Variants in RLF observed in about 807,000 individuals in gnomAD.
The protein encoded by RLF is zinc finger protein Rlf.
A neutral mutation model predicts 162.9 loss-of-function variants in RLF; 7 were observed. The observed-to-expected ratio is 0.04, with a 90% CI of 0.02 to 0.08. The LOEUF is 0.08. Among genes scored for constraint, RLF ranks in the 10% least tolerant of loss-of-function variants. The pLI is 1.00. For synonymous variants in RLF, 782 were observed against 791.5 expected (o/e 0.99, Z 0.20); for missense variants, 1,664 against 2,244.7 (o/e 0.74, Z 5.23).
intron 5 of RLF, among the ~76,000 whole-genome samples, chr1:40,204,580 T>A (rs752253546): frequency 2.7e-5 from 4 of 150,054 alleles, no homozygotes; most frequent in African/African-American, 7.6e-5. Flanking sequence ...TTAATTTATT[T>A]TTTATTTATT....
chr1:40,235,772 T>G lies in RLF; in HGVS notation c.1090-20T>G. 6.8e-7 allele frequency: 1 copy of G among 1,475,746 alleles called. No homozygotes were observed. The allele number at this position is 1,475,746 out of a possible 1,614,324, so 91.4% of individuals were successfully genotyped here. A position where few individuals can be genotyped will look rare whatever the true frequency, so the allele number is the denominator to read the frequency against. ...TTCTGTATGCAAAAAAATAATTTTT[T>G]TATCCTCTTTTACTTACAGGCACAA... On this transcript the variant is annotated intron_variant, in intron 7 of 7. Coordinates refer to ENST00000372771, the MANE Select transcript of RLF (RefSeq NM_012421.4).
chr1:40,181,166 A>G (rs1438488749), intron 1 of RLF, among the ~76,000 whole-genome samples: 1 of 152,246 alleles, frequency 6.6e-6, no homozygotes, highest in Non-Finnish European at 1.5e-5. Context: ...GCAGTGGCTC[A>G]TGCCTGTAAT....
rs56812980 is a variant in RLF, at chr1:40,221,374, A to G, written c.811-1200A>G. 1.8e-3 allele frequency among the ~76,000 whole-genome samples: 274 copies of G among 152,258 alleles called. 2 individuals are homozygous for G. Among genetic ancestry groups the G allele is most frequent in the African/African-American group, 6.3e-3 (263 of 41,556 alleles). On this transcript the variant is annotated intron_variant, in intron 5 of 7. Coordinates refer to ENST00000372771, the MANE Select transcript of RLF (RefSeq NM_012421.4). ...ACTTATTTGAAAAAATAAAAGTTCT[A>G]GAAATAAGTGCTACAAAGGAGAAAT...
intron 1 of RLF, among the ~76,000 whole-genome samples, chr1:40,184,136 A>AT (rs1403930926): frequency 6.6e-6 from 1 of 152,204 alleles, no homozygotes; most frequent in East Asian, 1.9e-4. Context: ...ATTAAAGAAA[A>AT]TTTGAGAAGT....
intron 1 of RLF, among the ~76,000 whole-genome samples, chr1:40,180,440 T>G (rs1642390615): frequency 6.6e-6 from 1 of 151,898 alleles, no homozygotes; most frequent in Non-Finnish European, 1.5e-5. Context: ...TGTATTTTTT[T>G]CAGTAGAGAC....
At chr1:40,209,498 G>C (rs1642840332) in intron 5 of RLF, among the ~76,000 whole-genome samples, 1 of 152,216 alleles carries the variant, frequency 6.6e-6, no homozygotes, top group Non-Finnish European at 1.5e-5. Flanking sequence ...AGTCAAGATT[G>C]ATCAGAGGTG....
intron 3 of RLF, among the ~76,000 whole-genome samples, chr1:40,194,793 G>C (rs564317357): frequency 1.3e-5 from 2 of 148,890 alleles, no homozygotes; most frequent in Non-Finnish European, 3.0e-5. Flanking sequence ...CTTTTACTTA[G>C]TGAAAACATC....
chr1:40,236,544 C>T lies in RLF; in HGVS notation c.1842C>T (p.Arg614=). ...AAATGCCACCAAGCAGAAGGGACCG[C>T]TCTAAAAAGAAATTACTGTTAAAAG... ...HVKMPPSRRD[R]SKKKLLLKGS... Residue 614 remains arginine, a synonymous_variant, in exon 8 of 8, where the codon CGC becomes CGT. Transcript: ENST00000372771. This position sits in a 1 kb window ranked among gnomAD's most constrained non-coding sequence, Gnocchi z 7.7. 6.2e-7 allele frequency: 1 copy of T among 1,613,996 alleles called. No homozygotes were observed. Among genetic ancestry groups the T allele is most frequent in the Non-Finnish European group, 8.5e-7 (1 of 1,180,000 alleles).
intron 5 of RLF, among the ~76,000 whole-genome samples, chr1:40,214,025 T>C (rs1642894270): frequency 6.6e-6 from 1 of 152,260 alleles, no homozygotes; most frequent in South Asian, 2.1e-4. Context: ...TAATCTTGCC[T>C]TTTCCTAATT....
At chr1:40,181,788 T>C (rs1315835960) in intron 1 of RLF, among the ~76,000 whole-genome samples, 1 of 152,232 alleles carries the variant, frequency 6.6e-6, no homozygotes, top group Non-Finnish European at 1.5e-5. Flanking sequence ...AATAGGAATG[T>C]ACATTGGAAC....
In RLF at chr1:40,226,648, A is replaced by AT. The variant is rs145617613; in HGVS notation, c.947+3939dup. On this transcript the variant is annotated intron_variant, in intron 6 of 7. Transcript: ENST00000372771. ...AATTGTATGGGAGAGAAAAGAGGTCATGGGGGTCAATTACTATTGTAATAG... is the reference window on the plus strand; with the variant it reads ...AATTGTATGGGAGAGAAAAGAGGTCATTGGGGGTCAATTACTATTGTAATAG... Among the ~76,000 whole-genome samples, 1,278 of 152,280 alleles carry AT rather than the reference A, an allele frequency of 8.4e-3. 23 individuals carry two copies. Among genetic ancestry groups the AT allele is most frequent in the African/African-American group, 0.029 (1,215 of 41,546 alleles).
At chr1:40,218,258 C>T (rs1204872115) in intron 5 of RLF, among the ~76,000 whole-genome samples, 1 of 152,220 alleles carries the variant, frequency 6.6e-6, no homozygotes, top group Non-Finnish European at 1.5e-5. Context: ...ACTCCACCTT[C>T]ATATGGTTGC....
intron 1 of RLF, among the ~76,000 whole-genome samples, chr1:40,181,197 A>G (rs1033064404): frequency 6.6e-6 from 1 of 152,232 alleles, no homozygotes; most frequent in African/African-American, 2.4e-5. Flanking sequence ...TGGGAGGCCA[A>G]GGTGGATGGA....
chr1:40,164,299 A>C (rs1390239184), intron 1 of RLF, among the ~76,000 whole-genome samples: 2 of 152,134 alleles, frequency 1.3e-5, no homozygotes, highest in Non-Finnish European at 2.9e-5. Flanking sequence ...ATTCTCTCCA[A>C]CTCTTGCAGC....
intron 3 of RLF, among the ~76,000 whole-genome samples, chr1:40,194,134 T>C (rs1306630299): frequency 7.5e-6 from 1 of 134,094 alleles, no homozygotes; most frequent in Non-Finnish European, 1.6e-5. Flanking sequence ...GAACAAACTA[T>C]TGGTAAATAC....
At chr1:40,204,057 G>C (rs1642756134) in intron 5 of RLF, among the ~76,000 whole-genome samples, 2 of 141,964 alleles carry the variant, frequency 1.4e-5, no homozygotes, top group Non-Finnish European at 3.0e-5. Context: ...TTTTTTGACA[G>C]AGTCTCGCTC....
At chr1:40,194,241 T>C (rs1642598991) in intron 3 of RLF, among the ~76,000 whole-genome samples, 1 of 152,208 alleles carries the variant, frequency 6.6e-6, no homozygotes. Context: ...AACAATTATA[T>C]AATGATTTGT....
At chr1:40,219,349 T>A in intron 5 of RLF, among the ~76,000 whole-genome samples, 1 of 152,062 alleles carries the variant, frequency 6.6e-6, no homozygotes, top group Non-Finnish European at 1.5e-5. Flanking sequence ...AAACAGGTGC[T>A]AAGGGGGATA....
chr1:40,222,552 T>G (rs201441055), intron 5 of RLF, 22 bp from the exon 6 acceptor site: 1 of 1,607,328 alleles, frequency 6.2e-7, no homozygotes, highest in African/African-American at 1.3e-5. Flanking sequence ...TCTTTTTGAC[T>G]TAGTCATCTC....
Sources: allele counts gnomAD v4.1 joint callset (sites outside exome capture counted in the v4.1 genomes callset), GRCh38; gene constraint gnomAD v4.1.1; non-coding constraint Gnocchi (gnomAD v3.1); transcripts MANE v1.5; gene names NCBI Gene and HGNC (gene_info 2026-07-23, HGNC 2026-07-21).